PPEF1: variants seen among roughly 807,000 people sequenced by gnomAD.
The protein encoded by PPEF1 is protein phosphatase with EF-hand domain 1.
In PPEF1, 12 loss-of-function variants were observed where a neutral mutation model predicts 53.3. That is an observed-to-expected ratio of 0.23 (90% CI 0.14 to 0.36). PPEF1 has a LOEUF of 0.36. Ranked by LOEUF, PPEF1 falls within the 10% of genes least tolerant of loss-of-function variation. The probability of loss-of-function intolerance (pLI) is 1.00; values close to 1 mark genes in which losing one functional copy is unlikely to be tolerated. For missense variants in PPEF1, 334 were observed against 490.4 expected, an observed-to-expected ratio of 0.68 and a Z score of 3.01; for synonymous variants, 165 against 176.7, an observed-to-expected ratio of 0.93 and a Z score of 0.52.
At chrX:18,739,996 A>G (rs1362656474) in intron 3 of PPEF1, among the ~76,000 whole-genome samples, 1 of 112,480 alleles carries the variant, frequency 8.9e-6, no homozygotes. Flanking sequence ...GTGCAGTATT[A>G]GAGTGGGAGT....
upstream of PPEF1, among the ~76,000 whole-genome samples, chrX:18,707,036 C>A (rs1377807583): frequency 9.2e-6 from 1 of 108,712 alleles, no homozygotes; most frequent in African/African-American, 3.3e-5. Flanking sequence ...ACCATGTTGG[C>A]CAGGCTGGTC....
chrX:18,756,475 C>T (rs1041584313), intron 4 of PPEF1, among the ~76,000 whole-genome samples: 5 of 111,730 alleles, frequency 4.5e-5, no homozygotes, highest in Non-Finnish European at 7.5e-5. Flanking sequence ...CCACTGTGCC[C>T]GGCCCTAAAA....
At chrX:18,749,739 A>G in intron 3 of PPEF1, 53 bp from the exon 4 acceptor site, 1 of 344,522 alleles carries the variant, frequency 2.9e-6, no homozygotes, top group Non-Finnish European at 5.2e-6. Context: ...AAGTATTGAA[A>G]TGTTGATTCC....
rs772716740 is a variant in PPEF1 at position 18,710,485 on chromosome X, A to T, written c.46+2659A>T. On this transcript the variant is annotated intron_variant, in intron 1 of 15. Coordinates refer to ENST00000470157, the MANE Select transcript of PPEF1 (RefSeq NM_001377996.1). ...TTTTGTAACAACTCAACAAGAAAAA[A>T]AAGATAACTCCATTAAAAAGTGGGC... Among the ~76,000 whole-genome samples, 7 of 112,098 alleles carry T rather than the reference A, an allele frequency of 6.2e-5. No homozygotes were observed. In the South Asian group the frequency reaches 2.6e-3, roughly 41 times the overall value.
intron 1 of PPEF1, among the ~76,000 whole-genome samples, chrX:18,715,425 G>A (rs1468449512): frequency 9.1e-6 from 1 of 110,433 alleles, no homozygotes; most frequent in Non-Finnish European, 1.9e-5. Flanking sequence ...CCAGTTACTT[G>A]GGAGGCTGAG....
intron 1 of PPEF1, among the ~76,000 whole-genome samples, chrX:18,719,984 G>T (rs1048875289): frequency 8.9e-6 from 1 of 111,774 alleles, no homozygotes; most frequent in Non-Finnish European, 1.9e-5. Context: ...ATCCAAGTTC[G>T]CTCAGTGATA....
At chrX:18,761,764 A>T (rs7881731) in intron 6 of PPEF1, among the ~76,000 whole-genome samples, 188 bp downstream of exon 6, 1 of 109,591 alleles carries the variant, frequency 9.1e-6, no homozygotes, top group African/African-American at 3.3e-5. Context: ...ATAAATTTTT[A>T]AAAAATTGTA....
chrX:18,776,209 GTGGTTGGTTGGTTGGT>G (rs564617999), intron 6 of PPEF1, among the ~76,000 whole-genome samples: 1 of 103,588 alleles, frequency 9.7e-6, no homozygotes, highest in African/African-American at 3.5e-5. Context: ...CCCTTTCTTT[GTGGTTGGTTGGTTGGT>G]TGGTTGGTTG....
chrX:18,703,893 G>C (rs1434281536), upstream of PPEF1, among the ~76,000 whole-genome samples: 1 of 93,255 alleles, frequency 1.1e-5, no homozygotes, highest in Non-Finnish European at 2.2e-5. Context: ...TTTTTCCCCT[G>C]TTTTCTTTTT....
chrX:18,771,891 G>C (rs1448113656), intron 6 of PPEF1, among the ~76,000 whole-genome samples: 1 of 111,609 alleles, frequency 9.0e-6, no homozygotes, highest in Non-Finnish European at 1.9e-5. Context: ...GAGGTGGGTG[G>C]ATCACTTGAG....
At chrX:18,768,383 G>C (rs1277331189) in intron 6 of PPEF1, among the ~76,000 whole-genome samples, 2 of 112,225 alleles carry the variant, frequency 1.8e-5, no homozygotes, top group African/African-American at 6.5e-5. Flanking sequence ...TTCCTCATCA[G>C]TTCTTTTATA....
chrX:18,707,534 T>G (rs2147283054), upstream of PPEF1: 1 of 375,165 alleles, frequency 2.7e-6, no homozygotes, highest in East Asian at 4.3e-5. Context: ...GTCTGATCAC[T>G]TTCCACATCA....
intron 10 of PPEF1, among the ~76,000 whole-genome samples, chrX:18,795,444 A>G (rs1399367495): frequency 1.8e-5 from 2 of 112,347 alleles, no homozygotes; most frequent in Non-Finnish European, 3.8e-5. Flanking sequence ...CATGGATGTA[A>G]AGGCAATAAG....
rs146237924 is a variant in PPEF1 at position 18,716,856 on chromosome X, G to A, written c.46+9030G>A. ...TTGAAAATCCCTGTGAACTCGGACC[G>A]TCCTCATTTTCCTCCTCAATGAACT... On this transcript the variant is annotated intron_variant, in intron 1 of 15. Coordinates refer to ENST00000470157, the MANE Select transcript of PPEF1 (RefSeq NM_001377996.1). 8.3e-3 allele frequency among the ~76,000 whole-genome samples: 915 copies of A among 110,154 alleles called. 12 individuals are homozygous for A. Among genetic ancestry groups the A allele is most frequent in the African/African-American group, 0.028 (851 of 30,235 alleles).
At chrX:18,790,863 A>G (rs1214017530) in intron 10 of PPEF1, among the ~76,000 whole-genome samples, 2 of 108,916 alleles carry the variant, frequency 1.8e-5, no homozygotes, top group African/African-American at 6.7e-5. Context: ...TAGAGATGAG[A>G]TTTCACCATG....
intron 6 of PPEF1, among the ~76,000 whole-genome samples, chrX:18,764,121 T>C (rs1201798693): frequency 4.5e-5 from 5 of 110,179 alleles, no homozygotes; most frequent in African/African-American, 1.7e-4. Flanking sequence ...GGAGGTAGGA[T>C]GGTGGGAAGT....
At chrX:18,767,536 C>T (rs1483363309) in intron 6 of PPEF1, among the ~76,000 whole-genome samples, 1 of 111,986 alleles carries the variant, frequency 8.9e-6, no homozygotes, top group African/African-American at 3.2e-5. Flanking sequence ...CAGAGCGAGA[C>T]TCCATCTGAA....
chrX:18,739,775 G>T (rs1224267284), intron 3 of PPEF1, among the ~76,000 whole-genome samples: 2 of 112,358 alleles, frequency 1.8e-5, no homozygotes, highest in African/African-American at 6.5e-5. Flanking sequence ...AGCTGCAATG[G>T]GCTCCACCCA....
chrX:18,822,118 C>T (rs1055596475), intron 13 of PPEF1, among the ~76,000 whole-genome samples: 6 of 112,112 alleles, frequency 5.4e-5, no homozygotes, highest in Non-Finnish European at 1.1e-4. Context: ...AAGCCATGGG[C>T]TGTGGTGTCA....
Sources: allele counts gnomAD v4.1 joint callset (sites outside exome capture counted in the v4.1 genomes callset), GRCh38; gene constraint gnomAD v4.1.1; transcripts MANE v1.5; gene names NCBI Gene and HGNC (gene_info 2026-07-23, HGNC 2026-07-21).